The following SMYD3 variants were observed in gnomAD, a reference collection of about 807,000 sequenced individuals.
SMYD3 encodes the protein histone-lysine N-methyltransferase SMYD3.
In SMYD3, 36 loss-of-function variants were observed where a neutral mutation model predicts 57.7. The observed-to-expected ratio is 0.62, with a 90% CI of 0.48 to 0.82. The LOEUF is 0.82. Among genes scored for constraint, SMYD3 ranks in the 40% least tolerant of loss-of-function variants. SMYD3 has a pLI of 0.00. For missense variants in SMYD3, 515 were observed against 538.8 expected, an observed-to-expected ratio of 0.96 and a Z score of 0.44; for synonymous variants, 211 against 195.0, an observed-to-expected ratio of 1.08 and a Z score of -0.68.
intron 5 of SMYD3, among the ~76,000 whole-genome samples, chr1:246,001,904 A>G (rs1412077980): frequency 6.6e-6 from 1 of 152,138 alleles, no homozygotes. Flanking sequence ...TGTTCAGAAC[A>G]AGAGATTTTG....
At chr1:246,390,717 C>T (rs2066546929) in intron 1 of SMYD3, among the ~76,000 whole-genome samples, 1 of 152,136 alleles carries the variant, frequency 6.6e-6, no homozygotes, top group South Asian at 2.1e-4. Context: ...GAATATTTTA[C>T]ATTCCCTATT....
chr1:246,039,605 TA>T (rs1243689633), intron 5 of SMYD3, among the ~76,000 whole-genome samples: 1 of 152,146 alleles, frequency 6.6e-6, no homozygotes, highest in Non-Finnish European at 1.5e-5. Context: ...ATTGATTCCA[TA>T]AATTCTACTA....
chr1:246,373,260 T>C (rs1240126727), intron 1 of SMYD3, among the ~76,000 whole-genome samples: 3 of 152,102 alleles, frequency 2.0e-5, no homozygotes, highest in African/African-American at 7.2e-5. Flanking sequence ...TAAACATTAA[T>C]GAAAAGGAAA....
intron 1 of SMYD3, 123 bp downstream of exon 1, chr1:246,506,931 G>T: frequency 1.1e-6 from 1 of 943,902 alleles, no homozygotes; most frequent in Non-Finnish European, 1.4e-6. Context: ...GGGCAGCACC[G>T]CCAAGCTGCC....
chr1:246,350,288 T>C (rs992352112), intron 2 of SMYD3, among the ~76,000 whole-genome samples: 32 of 152,216 alleles, frequency 2.1e-4, no homozygotes, highest in African/African-American at 7.7e-4. Flanking sequence ...GTCAGGACCT[T>C]ATTTACTTGC....
intron 5 of SMYD3, among the ~76,000 whole-genome samples, chr1:246,036,860 C>T (rs10802320): frequency 2.0e-5 from 3 of 151,628 alleles, no homozygotes. Flanking sequence ...CACCACGCCT[C>T]GCCTTTTATT....
chr1:246,307,829 C>T (rs1032513183), intron 5 of SMYD3, among the ~76,000 whole-genome samples: 1 of 152,172 alleles, frequency 6.6e-6, no homozygotes. Context: ...AACCTGAAAT[C>T]AACTGCTCCT....
intron 10 of SMYD3, among the ~76,000 whole-genome samples, chr1:245,790,194 T>C (rs1558340515): frequency 1.3e-5 from 2 of 152,040 alleles, no homozygotes; most frequent in Non-Finnish European, 2.9e-5. Context: ...GGCTGGTAGA[T>C]GAGTAAAAAT....
chr1:246,242,025 C>A (rs2063621576), intron 5 of SMYD3, among the ~76,000 whole-genome samples: 1 of 151,994 alleles, frequency 6.6e-6, no homozygotes, highest in Non-Finnish European at 1.5e-5. Flanking sequence ...TTTTGTTGAT[C>A]TTTCCAAAAA....
intron 1 of SMYD3, among the ~76,000 whole-genome samples, chr1:246,361,793 G>T (rs1396912973): frequency 2.6e-5 from 4 of 152,172 alleles, no homozygotes; most frequent in East Asian, 1.9e-4. Context: ...GGGGACTCAG[G>T]AGAAACGTTG....
chr1:246,442,660 G>A (rs1020796781), intron 1 of SMYD3, among the ~76,000 whole-genome samples: 1 of 152,304 alleles, frequency 6.6e-6, no homozygotes, highest in Admixed American at 6.5e-5. Flanking sequence ...ATATACTGAT[G>A]TGAAATTGGA....
intron 4 of SMYD3, 64 bp downstream of exon 4, chr1:246,330,416 C>A: frequency 7.8e-7 from 1 of 1,285,112 alleles, no homozygotes; most frequent in Non-Finnish European, 1.1e-6. Flanking sequence ...AAAATAAATC[C>A]ATTCACCAAC....
intron 5 of SMYD3, among the ~76,000 whole-genome samples, chr1:246,052,269 C>T (rs1192661341): frequency 6.6e-6 from 1 of 152,202 alleles, no homozygotes; most frequent in Non-Finnish European, 1.5e-5. Context: ...TAGACCTCCT[C>T]AGAGATGCAG....
intron 1 of SMYD3, among the ~76,000 whole-genome samples, chr1:246,408,613 C>T (rs1373513973): frequency 6.6e-6 from 1 of 150,942 alleles, no homozygotes; most frequent in Admixed American, 6.6e-5. Context: ...TATGAGTTCT[C>T]CATCAAGTTC....
chr1:246,176,320 G>A (rs1041061024), intron 5 of SMYD3, among the ~76,000 whole-genome samples: 2 of 152,042 alleles, frequency 1.3e-5, no homozygotes, highest in Admixed American at 6.5e-5. Context: ...ACCACTGTCC[G>A]GCTCTTAAGA....
At chr1:246,409,892 G>A (rs113836096) in intron 1 of SMYD3, among the ~76,000 whole-genome samples, 40 of 151,962 alleles carry the variant, frequency 2.6e-4, no homozygotes, top group Admixed American at 5.3e-4. Context: ...GGTCCTTCAC[G>A]TCCCTTGTAA....
intron 5 of SMYD3, among the ~76,000 whole-genome samples, chr1:246,218,352 GGTGGCTCACGCCTGTAATCCCA>G (rs1558323610): frequency 1.3e-5 from 2 of 152,006 alleles, no homozygotes; most frequent in African/African-American, 4.8e-5. Flanking sequence ...GGCCGGGCGC[GGTGGCTCACGCCTGTAATCCCA>G]GCACTTTGGG....
chr1:246,391,307 G>A (rs890680842), intron 1 of SMYD3, among the ~76,000 whole-genome samples: 2 of 151,226 alleles, frequency 1.3e-5, no homozygotes, highest in African/African-American at 4.9e-5. Context: ...TTGAGCCCAG[G>A]AGATAAAGGC....
chr1:246,500,037 T>C (rs560621701), intron 1 of SMYD3, among the ~76,000 whole-genome samples: 1 of 93,836 alleles, frequency 1.1e-5, no homozygotes, highest in African/African-American at 3.5e-5. Flanking sequence ...TGCCTGATAA[T>C]GCTGGATTCT....
Sources: gnomAD v4.1 joint callset for allele counts (sites outside exome capture counted in the v4.1 genomes callset) on GRCh38, gnomAD v4.1.1 for gene constraint, MANE v1.5 for transcripts, NCBI Gene and HGNC (gene_info 2026-07-23, HGNC 2026-07-21) for gene names.